Variants in CPM observed in about 807,000 individuals in gnomAD.
CPM encodes the protein carboxypeptidase M, also known as renal carboxypeptidase.
Under a neutral mutation model 46.4 loss-of-function variants are expected in CPM, and 35 were observed. The ratio of observed to expected loss-of-function variants is 0.75; its 90% CI spans 0.58 to 1.00. CPM has a LOEUF of 1.00. Among genes scored for constraint, CPM ranks in the 50% least tolerant of loss-of-function variants. The probability of loss-of-function intolerance (pLI) is 0.00; values close to 1 mark genes in which losing one functional copy is unlikely to be tolerated. For missense variants in CPM, 422 were observed against 530.4 expected (o/e 0.80, Z 2.01); for synonymous variants, 195 against 195.3 (o/e 1.00, Z 0.01).
chr12:68,941,900 G>A (rs770805921), intron 1 of CPM, among the ~76,000 whole-genome samples: 2 of 152,184 alleles, frequency 1.3e-5, no homozygotes, highest in Non-Finnish European at 2.9e-5. Context: ...CTTCAGAAAG[G>A]AAAGATTGCT....
At chr12:68,907,340 C>T (rs1887394750) in intron 2 of CPM, among the ~76,000 whole-genome samples, 1 of 152,166 alleles carries the variant, frequency 6.6e-6, no homozygotes, top group African/African-American at 2.4e-5. Context: ...AACTTGAGTC[C>T]AAATCCCAAT....
chr12:68,863,004 A>C (rs1477873333), intron 7 of CPM, among the ~76,000 whole-genome samples: 4 of 152,196 alleles, frequency 2.6e-5, no homozygotes, highest in Non-Finnish European at 4.4e-5. Context: ...TTAGAGCTTC[A>C]TGAATGAAAA....
intron 1 of CPM, among the ~76,000 whole-genome samples, chr12:68,950,715 G>A (rs189779351): frequency 1.3e-5 from 2 of 152,260 alleles, no homozygotes; most frequent in Admixed American, 6.5e-5. Flanking sequence ...CAGCTTCCGC[G>A]ACCCCCAGGC....
chr12:68,878,873 C>T (rs1025242796), intron 3 of CPM, among the ~76,000 whole-genome samples: 9 of 152,188 alleles, frequency 5.9e-5, no homozygotes, highest in Non-Finnish European at 1.0e-4. Context: ...ATTCCTACCC[C>T]CCATCTCCCC....
chr12:68,933,553 C>A (rs1888605766), upstream of CPM, among the ~76,000 whole-genome samples: 1 of 152,094 alleles, frequency 6.6e-6, no homozygotes, highest in South Asian at 2.1e-4. Flanking sequence ...ACGTTTAGGG[C>A]TCGGCGGGTT....
In CPM at chr12:68,855,174, G is replaced by C. The variant is rs1215726981; in HGVS notation, c.*1263C>G. The C allele has an allele frequency of 6.6e-6, 1 of 152,084 alleles. No homozygotes were observed. The highest frequency in any genetic ancestry group is 1.5e-5 in the Non-Finnish European group (1 of 68,082). 9.4% of individuals were successfully genotyped at this position (152,084 alleles called of 1,614,324 possible). ...CATGCCTGGCCAACACCAACCTTTA[G>C]TTACTTGCTGAATACACAGGATTAA... On this transcript the variant is annotated 3_prime_UTR_variant, in exon 9 of 9. Transcript: ENST00000551568.
rs1885602103 is a variant in CPM at position 68,869,628 on chromosome 12, AC to A, written c.617-134del. 8 of 735,460 alleles carry A rather than the reference AC, an allele frequency of 1.1e-5. No homozygotes were observed. The Admixed American group carries it at 1.9e-4, about 18-fold the overall frequency. The allele number at this position is 735,460 out of a possible 1,614,324, so 45.6% of individuals were successfully genotyped here. On this transcript the variant is annotated intron_variant, in intron 5 of 8. Transcript: ENST00000551568. ...TTCCCTAGAGAGAAATCCTTCATCC[AC>A]CTCCTCTATTCTTCTTTCTACTTTA...
intron 1 of CPM, among the ~76,000 whole-genome samples, chr12:68,947,503 A>G (rs1451668773): frequency 6.6e-6 from 1 of 152,056 alleles, no homozygotes; most frequent in Non-Finnish European, 1.5e-5. Context: ...AGGCTGAGGC[A>G]GAAGAATCAC....
At chr12:68,882,904 T>TAA (rs1239261757) in intron 3 of CPM, among the ~76,000 whole-genome samples, 1 of 152,110 alleles carries the variant, frequency 6.6e-6, no homozygotes, top group Non-Finnish European at 1.5e-5. Context: ...CATAAATAAG[T>TAA]AAAATAAAAA....
intron 2 of CPM, among the ~76,000 whole-genome samples, chr12:68,926,230 TA>T (rs954696182): frequency 6.6e-6 from 1 of 152,196 alleles, no homozygotes; most frequent in Non-Finnish European, 1.5e-5. Context: ...GAAATTAATT[TA>T]AAAAAATATT....
At chr12:68,934,673 AG>A (rs1193390576), upstream of CPM, among the ~76,000 whole-genome samples, 1 of 152,154 alleles carries the variant, frequency 6.6e-6, no homozygotes, top group Non-Finnish European at 1.5e-5. Flanking sequence ...AGAAAAAAAA[AG>A]AACTGAGGCG....
chr12:68,888,734 C>T (rs1886536017), intron 2 of CPM, among the ~76,000 whole-genome samples: 1 of 152,202 alleles, frequency 6.6e-6, no homozygotes, highest in South Asian at 2.1e-4. Flanking sequence ...TCTCTCTCCA[C>T]CACAAAGTAA....
rs1196878793 is a variant in CPM, at chr12:68,856,672, A to G, written c.1097T>C (p.Val366Ala). 6.2e-7 allele frequency: 1 copy of G among 1,613,482 alleles called. No individual in the cohort carries two copies. The highest frequency in any genetic ancestry group is 2.2e-5 in the East Asian group (1 of 44,880). Residue 366 changes from valine to alanine, a missense_variant, in exon 9 of 9, where the codon GTC becomes GCC. By Grantham distance (64) the Val-to-Ala change is moderately conservative. Coordinates refer to ENST00000551568, the MANE Select transcript of CPM (RefSeq NM_198320.5). ...TGTGATGTGTGGATCATGTCCAGGG[A>G]CTGTAACCTGAGAAGAAACAAGAGA... ...LPGSYIINVT[V>A]PGHDPHITKV...
chr12:68,897,468 A>G (rs774868906), intron 2 of CPM, among the ~76,000 whole-genome samples: 1 of 152,116 alleles, frequency 6.6e-6, no homozygotes, highest in Non-Finnish European at 1.5e-5. Context: ...GCATTACCTT[A>G]AAGTACAAAT....
intron 7 of CPM, among the ~76,000 whole-genome samples, chr12:68,860,072 G>A (rs750075362): frequency 3.3e-5 from 5 of 152,092 alleles, no homozygotes; most frequent in Admixed American, 1.3e-4. Context: ...CCCCAGAAAC[G>A]GTTAAAGTGA....
intron 1 of CPM, among the ~76,000 whole-genome samples, chr12:68,959,646 G>A (rs1319288548): frequency 6.6e-6 from 1 of 152,240 alleles, no homozygotes; most frequent in African/African-American, 2.4e-5. Context: ...CAAGGAGGGG[G>A]TTTTCCCACG....
intron 2 of CPM, among the ~76,000 whole-genome samples, chr12:68,915,168 C>A (rs1020560552): frequency 3.3e-5 from 5 of 152,048 alleles, no homozygotes; most frequent in African/African-American, 9.7e-5. Flanking sequence ...AATTACGTTC[C>A]TGAGTCAAAA....
chr12:68,954,712 G>T (rs1385352404), intron 1 of CPM, among the ~76,000 whole-genome samples: 2 of 151,972 alleles, frequency 1.3e-5, no homozygotes, highest in East Asian at 3.8e-4. Context: ...TGTTTAATAG[G>T]CCTCTCAAAC....
intron 1 of CPM, among the ~76,000 whole-genome samples, chr12:68,952,575 C>T (rs1051272009): frequency 2.6e-5 from 4 of 152,192 alleles, no homozygotes; most frequent in Non-Finnish European, 5.9e-5. Context: ...GGGCAGGCCC[C>T]ACACCTATGA....
Sources: allele counts gnomAD v4.1 joint callset (sites outside exome capture counted in the v4.1 genomes callset), GRCh38; gene constraint gnomAD v4.1.1; transcripts MANE v1.5; gene names NCBI Gene and HGNC (gene_info 2026-07-23, HGNC 2026-07-21).